Variants in CDADC1 observed in about 807,000 individuals in gnomAD.
CDADC1 encodes the protein cytidine and dCMP deaminase domain containing 1, also known as dCTP deaminase.
Under a neutral mutation model 54.9 loss-of-function variants are expected in CDADC1, and 39 were observed. The observed-to-expected ratio is 0.71, with a 90% CI of 0.55 to 0.93. The LOEUF (loss-of-function observed/expected upper bound fraction) is 0.93, where lower values mean the gene tolerates loss of function less well. Among genes scored for constraint, CDADC1 ranks in the 40% least tolerant of loss-of-function variants. The pLI is 0.00. For synonymous variants in CDADC1, 186 were observed against 204.0 expected (o/e 0.91, Z 0.75); for missense variants, 518 against 618.8 (o/e 0.84, Z 1.73).
At chr13:49,265,003 G>C (rs572626924) in intron 4 of CDADC1, among the ~76,000 whole-genome samples, 1 of 152,204 alleles carries the variant, frequency 6.6e-6, no homozygotes, top group South Asian at 2.1e-4. Flanking sequence ...TCTGATTCTA[G>C]AGCCTGTGCT....
intron 8 of CDADC1, among the ~76,000 whole-genome samples, chr13:49,285,004 A>G (rs888807822): frequency 1.3e-5 from 2 of 152,172 alleles, no homozygotes; most frequent in Admixed American, 1.3e-4. Context: ...AATATCTGTG[A>G]ATCTTCAGGC....
intron 3 of CDADC1, 68 bp downstream of exon 3, chr13:49,255,981 A>C: frequency 1.9e-6 from 3 of 1,541,918 alleles, no homozygotes; most frequent in Non-Finnish European, 2.6e-6. Flanking sequence ...ATAAAGTAGA[A>C]TAAAAGTGCC....
intron 4 of CDADC1, among the ~76,000 whole-genome samples, chr13:49,260,148 T>G (rs1429485048): frequency 6.6e-6 from 1 of 152,178 alleles, no homozygotes; most frequent in African/African-American, 2.4e-5. Flanking sequence ...TTTGATACAT[T>G]ATAAGAGTAA....
chr13:49,259,338 T>C lies in CDADC1; in HGVS notation c.253-8T>C. The stretch of plus-strand genomic sequence containing the variant: ...ACTAATAAGTTGTTATTTTATATCT[T>C]AATGTAGGTAAAGAGAACTGGTCTT... On this transcript the variant is annotated splice_region_variant and splice_polypyrimidine_tract_variant and intron_variant, in intron 3 of 9. Coordinates refer to ENST00000251108, the MANE Select transcript of CDADC1 (RefSeq NM_030911.4). The C allele has an allele frequency of 6.3e-7, 1 of 1,583,602 alleles. No homozygotes were observed. Among genetic ancestry groups the C allele is most frequent in the African/African-American group, 1.4e-5 (1 of 74,048 alleles).
At chr13:49,256,109 T>C (rs1453540210) in intron 3 of CDADC1, among the ~76,000 whole-genome samples, 196 bp downstream of exon 3, 3 of 150,016 alleles carry the variant, frequency 2.0e-5, no homozygotes, top group Non-Finnish European at 4.4e-5. Flanking sequence ...GATTATTCTA[T>C]GCTACATCCT....
intron 1 of CDADC1, chr13:49,248,560 C>T: frequency 2.9e-6 from 1 of 342,886 alleles, no homozygotes; most frequent in Non-Finnish European, 5.4e-6. Context: ...ACGACGACGT[C>T]AGATGCGAAG....
At chr13:49,248,161 T>A in intron 1 of CDADC1, 42 bp downstream of exon 1, 1 of 1,488,462 alleles carries the variant, frequency 6.7e-7, no homozygotes, top group Non-Finnish European at 9.1e-7. Flanking sequence ...TACCTTTCGC[T>A]CTGCCCTGTG....
At chr13:49,286,436 T>C (rs779896184) in intron 9 of CDADC1, among the ~76,000 whole-genome samples, 154 bp downstream of exon 9, 1 of 152,230 alleles carries the variant, frequency 6.6e-6, no homozygotes, top group Non-Finnish European at 1.5e-5. Flanking sequence ...TAAATATTTG[T>C]GGGTCTACCA....
chr13:49,270,194 A>T (rs1329641666), intron 5 of CDADC1, among the ~76,000 whole-genome samples: 1 of 152,200 alleles, frequency 6.6e-6, no homozygotes, highest in Non-Finnish European at 1.5e-5. Context: ...TTTTGGAGCC[A>T]AATGTAAAGG....
chr13:49,271,605 CTTT>C (rs559660895), intron 5 of CDADC1, among the ~76,000 whole-genome samples: 1 of 140,994 alleles, frequency 7.1e-6, no homozygotes. Context: ...GGAGTTGCCT[CTTT>C]TTTTTTTTTT....
intron 2 of CDADC1, among the ~76,000 whole-genome samples, chr13:49,249,778 A>G (rs1170635163): frequency 6.6e-6 from 1 of 152,134 alleles, no homozygotes; most frequent in South Asian, 2.1e-4. Flanking sequence ...ATAAAAGCCA[A>G]TATATTGGAA....
chr13:49,273,024 A>G (rs1400420006), intron 5 of CDADC1, among the ~76,000 whole-genome samples: 1 of 152,240 alleles, frequency 6.6e-6, no homozygotes, highest in East Asian at 1.9e-4. Flanking sequence ...AAATGAGATC[A>G]TGAATAAACA....
chr13:49,291,944 G>A lies in CDADC1; in HGVS notation c.*187G>A. The A allele has an allele frequency of 7.3e-7, 1 of 1,363,818 alleles. No homozygotes were observed. The highest frequency in any genetic ancestry group is 1.7e-5 in the South Asian group (1 of 60,020). 84.5% of individuals were successfully genotyped at this position (1,363,818 alleles called of 1,614,324 possible). A position where few individuals can be genotyped will look rare whatever the true frequency, so the allele number is the denominator to read the frequency against. On this transcript the variant is annotated 3_prime_UTR_variant, in exon 10 of 10. Transcript: ENST00000251108. ...TATTTGTCTTTTAGATTTATGTGTGGGTTTTCCATAATGTAGTAGTGTGTT... is the reference window on the plus strand; with the variant it reads ...TATTTGTCTTTTAGATTTATGTGTGAGTTTTCCATAATGTAGTAGTGTGTT...
rs764864602 is a variant in CDADC1 at position 49,259,436 on chromosome 13, C to G, written c.343C>G (p.Leu115Val). 1 of 1,614,116 alleles carries G rather than the reference C, an allele frequency of 6.2e-7. No individual in the cohort carries two copies. Among genetic ancestry groups the G allele is most frequent in the South Asian group, 1.1e-5 (1 of 91,086 alleles). Residue 115 changes from leucine (L) to valine (V), a missense_variant, in exon 4 of 10, where the codon CTT (leucine) becomes GTT (valine). Leu to Val is a conservative substitution (Grantham distance 32). Transcript: ENST00000251108. ...SEDLHAGQIA[L>V]IKHGSRLKNC... is the part of the protein sequence containing the mutation. ...AGATTTACATGCCGGGCAGATTGCTCTTATTAAACATGGGTCAAGGCTGAA... is the reference window on the plus strand; with the variant it reads ...AGATTTACATGCCGGGCAGATTGCTGTTATTAAACATGGGTCAAGGCTGAA...
chr13:49,290,126 C>A (rs1163267765), intron 9 of CDADC1, among the ~76,000 whole-genome samples: 2 of 151,640 alleles, frequency 1.3e-5, no homozygotes, highest in Admixed American at 6.6e-5. Flanking sequence ...AAGAAGCAAT[C>A]GATTGATAAA....
intron 2 of CDADC1, among the ~76,000 whole-genome samples, chr13:49,254,284 C>CT (rs1272440732): frequency 1.3e-5 from 2 of 152,104 alleles, no homozygotes; most frequent in African/African-American, 2.4e-5. Context: ...TTATAAACTT[C>CT]TTTTTGATGG....
chr13:49,263,780 T>G (rs1952744546), intron 4 of CDADC1, among the ~76,000 whole-genome samples: 1 of 152,224 alleles, frequency 6.6e-6, no homozygotes, highest in Admixed American at 6.5e-5. Context: ...GTTACTTTAT[T>G]AGAATTTTAA....
chr13:49,263,147 G>A (rs926712722), intron 4 of CDADC1, among the ~76,000 whole-genome samples: 1 of 152,088 alleles, frequency 6.6e-6, no homozygotes, highest in African/African-American at 2.4e-5. Context: ...AACTGACAAT[G>A]GTTAGTTAGA....
In CDADC1 at chr13:49,292,332, T is replaced by A; in HGVS notation, c.*575T>A. The A allele has an allele frequency of 1.0e-6, 1 of 985,380 alleles. No homozygotes were observed. Among genetic ancestry groups the A allele is most frequent in the Non-Finnish European group, 1.2e-6 (1 of 828,030 alleles). The allele number at this position is 985,380 out of a possible 1,614,324, so 61.0% of individuals were successfully genotyped here. On this transcript the variant is annotated 3_prime_UTR_variant, in exon 10 of 10. Transcript: ENST00000251108. The stretch of plus-strand genomic sequence containing the variant: ...CCATTTTTAAAGTATATTTTGTAAA[T>A]GTTAATTCTGTGGTCCTGTTTATCA...
Sources: allele counts gnomAD v4.1 joint callset (sites outside exome capture counted in the v4.1 genomes callset), GRCh38; gene constraint gnomAD v4.1.1; transcripts MANE v1.5; gene names NCBI Gene and HGNC (gene_info 2026-07-23, HGNC 2026-07-21).